TAFA1: variants seen among roughly 807,000 people sequenced by gnomAD.
TAFA1 encodes the protein chemokine-like protein TAFA-1.
TAFA1 carries 4 observed loss-of-function variants against 18.5 expected under a neutral mutation model. The observed-to-expected ratio is 0.22, with a 90% CI of 0.11 to 0.49. TAFA1 has a LOEUF of 0.49. Among genes scored for constraint, TAFA1 ranks in the 20% least tolerant of loss-of-function variants. TAFA1 has a pLI of 0.98. For missense variants in TAFA1, 147 were observed against 169.0 expected, an observed-to-expected ratio of 0.87 and a Z score of 0.72; for synonymous variants, 56 against 55.2, an observed-to-expected ratio of 1.01 and a Z score of -0.06.
At chr3:68,261,291 T>A (rs1222320039) in intron 2 of TAFA1, among the ~76,000 whole-genome samples, 5 of 151,950 alleles carry the variant, frequency 3.3e-5, no homozygotes, top group Admixed American at 1.3e-4. Context: ...ATGTGGAGAA[T>A]TAGGAACACT....
intron 2 of TAFA1, among the ~76,000 whole-genome samples, chr3:68,395,086 T>C (rs1238975033): frequency 6.6e-6 from 1 of 151,430 alleles, no homozygotes; most frequent in Non-Finnish European, 1.5e-5. Context: ...TACAAGGAAC[T>C]TAAATTTGCA....
intron 2 of TAFA1, among the ~76,000 whole-genome samples, chr3:68,366,561 T>C (rs1429813130): frequency 1.3e-5 from 2 of 151,684 alleles, no homozygotes; most frequent in Non-Finnish European, 2.9e-5. Flanking sequence ...CATGAAGTAG[T>C]GTAATGTAGT....
At chr3:68,170,955 G>A (rs1377613152) in intron 2 of TAFA1, among the ~76,000 whole-genome samples, 1 of 152,026 alleles carries the variant, frequency 6.6e-6, no homozygotes, top group African/African-American at 2.4e-5. Context: ...AGCAGCAACA[G>A]CCAAAACAAG....
chr3:68,371,258 G>A (rs928701133), intron 2 of TAFA1, among the ~76,000 whole-genome samples: 4 of 152,066 alleles, frequency 2.6e-5, no homozygotes, highest in African/African-American at 7.2e-5. Flanking sequence ...TGTGCAGAAC[G>A]TGAAGGTTTG....
intron 3 of TAFA1, among the ~76,000 whole-genome samples, chr3:68,428,733 T>C (rs899590060): frequency 6.6e-6 from 1 of 152,002 alleles, no homozygotes; most frequent in African/African-American, 2.4e-5. Flanking sequence ...TTTATTGGAC[T>C]ATCAATTTAT....
At chr3:68,065,800 AATCT>A (rs56823799) in intron 2 of TAFA1, among the ~76,000 whole-genome samples, 79,708 of 149,354 alleles carry the variant, frequency 0.53, 21,562 homozygotes, top group South Asian at 0.61. Flanking sequence ...TCTATTGATC[AATCT>A]ATCTATCTCT....
chr3:68,089,960 A>G (rs2065012865), intron 2 of TAFA1, among the ~76,000 whole-genome samples: 1 of 152,298 alleles, frequency 6.6e-6, no homozygotes, highest in South Asian at 2.1e-4. Flanking sequence ...CTGACCTCCT[A>G]AGATTCCCTC....
intron 2 of TAFA1, among the ~76,000 whole-genome samples, chr3:68,327,649 GT>G (rs545586387): frequency 4.5e-4 from 69 of 152,326 alleles, no homozygotes; most frequent in African/African-American, 1.6e-3. Flanking sequence ...CCTTGGCTCA[GT>G]GCTGGGCACA....
intron 2 of TAFA1, among the ~76,000 whole-genome samples, chr3:68,365,973 T>G (rs1037438725): frequency 1.3e-5 from 2 of 150,622 alleles, no homozygotes; most frequent in African/African-American, 2.4e-5. Context: ...TAGTCCCAGC[T>G]ACTCGGGAGG....
Position 68,142,438 on chromosome 3 carries a change from C to T in TAFA1, c.118+135694C>T, listed in dbSNP as rs1479073455. Among the ~76,000 whole-genome samples the T allele has an allele frequency of 5.3e-5, 8 of 152,288 alleles. No homozygotes were observed. The East Asian group carries it at 5.8e-4, about 11-fold the overall frequency. Reference sequence around the variant, plus strand: ...CCAAACCCCCTGTGCTTTAGTGTGGCGCCCAGAGCTCCTCCTTCAATTCTG... The same window carrying T: ...CCAAACCCCCTGTGCTTTAGTGTGGTGCCCAGAGCTCCTCCTTCAATTCTG... On this transcript the variant is annotated intron_variant, in intron 2 of 4. Coordinates refer to ENST00000478136, the MANE Select transcript of TAFA1 (RefSeq NM_213609.4).
chr3:68,084,054 C>G (rs1478038894), intron 2 of TAFA1, among the ~76,000 whole-genome samples: 1 of 152,224 alleles, frequency 6.6e-6, no homozygotes, highest in African/African-American at 2.4e-5. Flanking sequence ...TGCCAGTATA[C>G]CACATGGGCT....
intron 2 of TAFA1, among the ~76,000 whole-genome samples, chr3:68,353,823 T>A (rs1347551443): frequency 6.6e-6 from 1 of 152,028 alleles, no homozygotes; most frequent in East Asian, 1.9e-4. Flanking sequence ...ATTCCACGTA[T>A]GGGCTAAAAA....
chr3:68,441,627 G>A (rs1248152112), intron 3 of TAFA1, among the ~76,000 whole-genome samples: 1 of 152,040 alleles, frequency 6.6e-6, no homozygotes, highest in Non-Finnish European at 1.5e-5. Flanking sequence ...TACATGATCG[G>A]GCTCGAGAAG....
chr3:68,429,543 T>C (rs2071126896), intron 3 of TAFA1, among the ~76,000 whole-genome samples: 1 of 151,862 alleles, frequency 6.6e-6, no homozygotes, highest in Admixed American at 6.6e-5. Context: ...TCACTTCTTA[T>C]ATTTGCTCTC....
chr3:68,325,831 C>A (rs1262885851), intron 2 of TAFA1, among the ~76,000 whole-genome samples: 1 of 152,076 alleles, frequency 6.6e-6, no homozygotes, highest in African/African-American at 2.4e-5. Context: ...TCTAAGCCCC[C>A]TTTTTAAGTG....
At chr3:68,355,630 A>C (rs574494274) in intron 2 of TAFA1, among the ~76,000 whole-genome samples, 49 of 152,116 alleles carry the variant, frequency 3.2e-4, no homozygotes, top group African/African-American at 1.2e-3. Context: ...CTGCGTCATA[A>C]TTGTGAACAT....
At chr3:68,498,065 T>C (rs2072582329) in intron 3 of TAFA1, among the ~76,000 whole-genome samples, 2 of 152,194 alleles carry the variant, frequency 1.3e-5, no homozygotes, top group South Asian at 4.1e-4. Context: ...CCAACGTAGC[T>C]TGAGGCACTT....
At chr3:68,380,783 A>G (rs2069931980) in intron 2 of TAFA1, among the ~76,000 whole-genome samples, 2 of 151,282 alleles carry the variant, frequency 1.3e-5, no homozygotes, top group South Asian at 2.1e-4. Context: ...ATTAGATCCC[A>G]TTTGTCAATT....
chr3:68,320,730 T>G (rs1048827598), intron 2 of TAFA1, among the ~76,000 whole-genome samples: 2 of 152,152 alleles, frequency 1.3e-5, no homozygotes, highest in Non-Finnish European at 2.9e-5. Context: ...ATGAAAACCA[T>G]GTTCCAAAGA....
Sources: gnomAD v4.1 joint callset for allele counts (sites outside exome capture counted in the v4.1 genomes callset) on GRCh38, gnomAD v4.1.1 for gene constraint, MANE v1.5 for transcripts, NCBI Gene and HGNC (gene_info 2026-07-23, HGNC 2026-07-21) for gene names.